Variants in CALN1 observed in about 807,000 individuals in gnomAD.
The protein encoded by CALN1 is calcium-binding protein 8.
In CALN1, 17 loss-of-function variants were observed where a neutral mutation model predicts 30.6. That is an observed-to-expected ratio of 0.56 (90% confidence interval 0.38 to 0.83). The LOEUF (loss-of-function observed/expected upper bound fraction) is 0.83. Ranked by LOEUF, CALN1 falls within the 40% of genes least tolerant of loss-of-function variation. The probability of loss-of-function intolerance (pLI) is 0.00; values close to 1 mark genes in which losing one functional copy is unlikely to be tolerated. For missense variants in CALN1, 291 were observed against 354.9 expected, an observed-to-expected ratio of 0.82 and a Z score of 1.45; for synonymous variants, 156 against 131.4, an observed-to-expected ratio of 1.19 and a Z score of -1.28.
chr7:72,060,919 T>A (rs2129536982), intron 4 of CALN1, among the ~76,000 whole-genome samples: 1 of 152,340 alleles, frequency 6.6e-6, no homozygotes, highest in African/African-American at 2.4e-5. Flanking sequence ...GTTTTCTTTA[T>A]AAATTACTCA....
intron 3 of CALN1, among the ~76,000 whole-genome samples, chr7:72,273,669 C>T (rs537154423): frequency 6.6e-6 from 1 of 151,820 alleles, no homozygotes; most frequent in Non-Finnish European, 1.5e-5. Context: ...CAGGCATGCA[C>T]CAACACATCC....
At chr7:71,967,025 G>A (rs949026945) in intron 5 of CALN1, among the ~76,000 whole-genome samples, 2 of 152,122 alleles carry the variant, frequency 1.3e-5, no homozygotes, top group Non-Finnish European at 2.9e-5. Context: ...GGTTTTTATT[G>A]AGAACTGTTT....
rs773609091 is a variant in CALN1, at chr7:71,932,710, G to A, written c.501+90947C>T. Reference sequence around the variant, plus strand: ...CGGGCACCTGTAGTCCAGCTACTCGGGAGGCTGAGGCAGGAGAATGGCATG... The same window carrying A: ...CGGGCACCTGTAGTCCAGCTACTCGAGAGGCTGAGGCAGGAGAATGGCATG... On this transcript the variant is annotated intron_variant, in intron 5 of 6. Coordinates refer to ENST00000395275, the MANE Select transcript of CALN1 (RefSeq NM_031468.4). 1.9e-3 allele frequency among the ~76,000 whole-genome samples: 282 copies of A among 151,764 alleles called. 2 individuals carry two copies. Among genetic ancestry groups the A allele is most frequent in the Non-Finnish European group, 2.1e-3 (141 of 67,934 alleles).
At chr7:72,310,741 A>C (rs1799981102) in intron 2 of CALN1, among the ~76,000 whole-genome samples, 1 of 151,566 alleles carries the variant, frequency 6.6e-6, no homozygotes, top group African/African-American at 2.4e-5. Flanking sequence ...CTATCTCTAC[A>C]AAAAATACAA....
intron 5 of CALN1, among the ~76,000 whole-genome samples, chr7:72,012,028 T>A (rs570969271): frequency 2.6e-5 from 4 of 152,200 alleles, no homozygotes; most frequent in South Asian, 2.1e-4. Context: ...ATAAGTAGAT[T>A]GAATAAAAAA....
At chr7:72,104,717 G>C (rs933990485) in intron 4 of CALN1, among the ~76,000 whole-genome samples, 4 of 152,154 alleles carry the variant, frequency 2.6e-5, no homozygotes, top group Non-Finnish European at 5.9e-5. Flanking sequence ...CCAGCACTTT[G>C]GGAGGCCGAG....
In CALN1 at chr7:72,300,785, G is replaced by A. The variant is rs553469082; in HGVS notation, c.120-21975C>T. ...GAGGGGGCAGATCACTTGAGGTCAG[G>A]AGTTCGAGACCAGCCTGGCCAACAT... On this transcript the variant is annotated intron_variant, in intron 2 of 6. Transcript: ENST00000395275. Among the ~76,000 whole-genome samples, 23 of 152,242 alleles carry A rather than the reference G, an allele frequency of 1.5e-4. 1 individual carries two copies. The Middle Eastern group carries it at 0.017, about 113-fold the overall frequency.
At chr7:72,425,730 T>A (rs1230902223) in intron 1 of CALN1, among the ~76,000 whole-genome samples, 2 of 152,180 alleles carry the variant, frequency 1.3e-5, no homozygotes, top group East Asian at 3.9e-4. Flanking sequence ...GTGTTTGTAT[T>A]CCTGCTAATA....
intron 2 of CALN1, among the ~76,000 whole-genome samples, chr7:72,321,487 G>A (rs904695774): frequency 5.9e-5 from 9 of 152,158 alleles, no homozygotes; most frequent in African/African-American, 2.2e-4. Context: ...TTCAACGACA[G>A]GAGACAATAT....
At chr7:71,973,051 G>A (rs1020808072) in intron 5 of CALN1, among the ~76,000 whole-genome samples, 2 of 152,128 alleles carry the variant, frequency 1.3e-5, no homozygotes, top group East Asian at 1.9e-4. Context: ...GAGGGCAAAC[G>A]CTGATCTATT....
intron 3 of CALN1, among the ~76,000 whole-genome samples, chr7:72,178,562 A>G (rs1186994518): frequency 6.6e-6 from 1 of 152,004 alleles, no homozygotes; most frequent in Non-Finnish European, 1.5e-5. Context: ...GGTGGCACGC[A>G]CCTGTAATCC....
At chr7:72,113,764 A>G (rs1807742423) in intron 3 of CALN1, among the ~76,000 whole-genome samples, 1 of 152,244 alleles carries the variant, frequency 6.6e-6, no homozygotes, top group African/African-American at 2.4e-5. Context: ...AGACTAAAAT[A>G]TTTATACTCC....
the CALN1 span, among the ~76,000 whole-genome samples, chr7:72,489,652 G>T: frequency 6.6e-6 from 1 of 152,100 alleles, no homozygotes; most frequent in Non-Finnish European, 1.5e-5. Context: ...GAAAGGAGTG[G>T]GTATGAAGGT....
intron 5 of CALN1, among the ~76,000 whole-genome samples, chr7:71,917,385 T>A (rs553609677): frequency 1.7e-3 from 265 of 152,342 alleles, no homozygotes; most frequent in Non-Finnish European, 3.3e-3. Context: ...CACTATTATA[T>A]AATTGAAACT....
rs529228838 is a variant in CALN1, at chr7:72,164,931, G to A, written c.245-58637C>T. The stretch of plus-strand genomic sequence containing the variant: ...ACTGACCTCAGACTCCCGGCCTCAA[G>A]GGATCCTCCTGCCTCAGTCTTCCAA... On this transcript the variant is annotated intron_variant, in intron 3 of 6. Coordinates refer to ENST00000395275, the MANE Select transcript of CALN1 (RefSeq NM_031468.4). Among the ~76,000 whole-genome samples the A allele has an allele frequency of 6.1e-5, 9 of 146,438 alleles. No homozygotes were observed. In the South Asian group the frequency reaches 1.3e-3, roughly 21 times the overall value.
chr7:72,177,020 C>G (rs1206548276), intron 3 of CALN1, among the ~76,000 whole-genome samples: 4 of 152,154 alleles, frequency 2.6e-5, no homozygotes, highest in African/African-American at 9.7e-5. Context: ...TGCTGGCTCC[C>G]AAAGCCATCC....
In CALN1 at chr7:71,988,507, C is replaced by T. The variant is rs556745902; in HGVS notation, c.501+35150G>A. Among the ~76,000 whole-genome samples, 20 of 152,304 alleles carry T rather than the reference C, an allele frequency of 1.3e-4. 1 individual carries two copies. The South Asian group carries it at 4.1e-3, about 32-fold the overall frequency. The stretch of plus-strand genomic sequence containing the variant: ...CATACTTGTTGGTTTCATTCTACAT[C>T]CTTTCTCCGACACATGGCTGAATTA... On this transcript the variant is annotated intron_variant, in intron 5 of 6. Transcript: ENST00000395275.
chr7:72,474,899 CT>C, the CALN1 span, among the ~76,000 whole-genome samples: 1 of 152,182 alleles, frequency 6.6e-6, no homozygotes, highest in South Asian at 2.1e-4. Flanking sequence ...CATTATCCCC[CT>C]GAACCTGAAA....
At chr7:71,995,284 G>C (rs1039350113) in intron 5 of CALN1, among the ~76,000 whole-genome samples, 1 of 152,212 alleles carries the variant, frequency 6.6e-6, no homozygotes, top group Non-Finnish European at 1.5e-5. Flanking sequence ...TGGCTTCCAG[G>C]TTCCTCCTTT....
Sources: gnomAD v4.1 joint callset for allele counts (sites outside exome capture counted in the v4.1 genomes callset) on GRCh38, gnomAD v4.1.1 for gene constraint, MANE v1.5 for transcripts, NCBI Gene and HGNC (gene_info 2026-07-23, HGNC 2026-07-21) for gene names.